LRSAM1: variants seen among roughly 807,000 people sequenced by gnomAD.
LRSAM1 encodes the protein E3 ubiquitin-protein ligase LRSAM1.
In LRSAM1, 96 loss-of-function variants were observed where a neutral mutation model predicts 118.1. The observed-to-expected ratio is 0.81, with a 90% CI of 0.69 to 0.96. LRSAM1 has a LOEUF of 0.96. LRSAM1 is among the 40% of genes least tolerant of loss of function. The pLI is 0.00. For missense variants in LRSAM1, 804 were observed against 915.5 expected (o/e 0.88, Z 1.57); for synonymous variants, 322 against 364.2 (o/e 0.88, Z 1.32).
In LRSAM1 at chr9:127,485,837, T is replaced by C. The variant is rs1297610559; in HGVS notation, c.1259+2T>C. 6.2e-7 allele frequency: 1 copy of C among 1,613,684 alleles called. No individual in the cohort carries two copies. The highest frequency in any genetic ancestry group is 1.1e-5 in the South Asian group (1 of 91,056). On this transcript the variant is annotated splice_donor_variant, in intron 17 of 25. Transcript: ENST00000300417. LOFTEE classifies it high-confidence loss of function. ...CTTGGTCCAGCAGGCCTGTTCCAGG[T>C]AAGGTAAGGAAGAGGAGTCCCAGGT...
chr9:127,492,400 C>T (rs775210983), intron 20 of LRSAM1, among the ~76,000 whole-genome samples: 4 of 152,170 alleles, frequency 2.6e-5, no homozygotes, highest in Non-Finnish European at 5.9e-5. Context: ...CAAGAGCAGG[C>T]GCAGGAGTGA....
chr9:127,454,512 C>T lies in LRSAM1; in HGVS notation c.-16C>T. 1.9e-6 allele frequency: 3 copies of T among 1,614,128 alleles called. No individual in the cohort carries two copies. The highest frequency in any genetic ancestry group is 1.1e-5 in the South Asian group (1 of 91,060). ...GTGCCCCAGGGTCCTAAAGATCGCT[C>T]TGGGAAAAGGGAAGGATGCCGCTCT... On this transcript the variant is annotated 5_prime_UTR_variant, in exon 3 of 26. Transcript: ENST00000300417.
intron 9 of LRSAM1, among the ~76,000 whole-genome samples, chr9:127,463,463 G>T (rs1834824851): frequency 6.6e-6 from 1 of 152,080 alleles, no homozygotes; most frequent in Admixed American, 6.6e-5. Context: ...GTGTTGGCAG[G>T]GTTGGTGACT....
intron 24 of LRSAM1, among the ~76,000 whole-genome samples, chr9:127,499,594 C>CTGA (rs1337765104): frequency 6.6e-6 from 1 of 151,608 alleles, no homozygotes; most frequent in African/African-American, 2.4e-5. Flanking sequence ...GGGGGAAGCA[C>CTGA]TGATAGCCTT....
intron 20 of LRSAM1, among the ~76,000 whole-genome samples, chr9:127,491,713 C>T (rs951024552): frequency 2.6e-5 from 4 of 152,206 alleles, no homozygotes; most frequent in African/African-American, 7.2e-5. Context: ...AGGGCCCAGC[C>T]GCATCTGTGT....
intron 18 of LRSAM1, among the ~76,000 whole-genome samples, 167 bp from the exon 19 acceptor site, chr9:127,489,277 T>A (rs1161052622): frequency 6.6e-6 from 1 of 152,210 alleles, no homozygotes; most frequent in Non-Finnish European, 1.5e-5. Context: ...AGTGAGCCCC[T>A]AGTACCATCT....
At chr9:127,499,537 AAT>A (rs1554762091) in intron 24 of LRSAM1, among the ~76,000 whole-genome samples, 17 of 115,160 alleles carry the variant, frequency 1.5e-4, no homozygotes, top group East Asian at 4.1e-4. Flanking sequence ...TCTAAAAAAA[AAT>A]ATATATATAT....
chr9:127,467,904 C>T, intron 10 of LRSAM1, 74 bp downstream of exon 10: 10 of 1,441,326 alleles, frequency 6.9e-6, no homozygotes, highest in Non-Finnish European at 9.4e-6. Flanking sequence ...CCAGCCCAGG[C>T]TGGGGAACAG....
At chr9:127,490,384 A>G (rs542861069) in intron 19 of LRSAM1, among the ~76,000 whole-genome samples, 1 of 152,008 alleles carries the variant, frequency 6.6e-6, no homozygotes, top group South Asian at 2.1e-4. Flanking sequence ...ATAGGGACTT[A>G]GGGATGAGGG....
In LRSAM1 at chr9:127,465,511, T is replaced by G. The variant is rs1834893457; in HGVS notation, c.529-2229T>G. Among the ~76,000 whole-genome samples the G allele has an allele frequency of 6.6e-6, 1 of 152,240 alleles. No individual in the cohort carries two copies. Among genetic ancestry groups the G allele is most frequent in the African/African-American group, 2.4e-5 (1 of 41,464 alleles). On this transcript the variant is annotated intron_variant, in intron 9 of 25. Coordinates refer to ENST00000300417, the MANE Select transcript of LRSAM1 (RefSeq NM_001005373.4). This position sits in a 1 kb window ranked among gnomAD's most constrained non-coding sequence, Gnocchi z 4.1. ...CTGATGGTGACTAAGAGCACCCATG[T>G]GGGGTTCATTTGCTTCCAGGTATGG...
At position 127,467,734 on chromosome 9, in the gene LRSAM1, C is replaced by T. The variant is rs754162095; in HGVS notation, c.529-6C>T. ...ACAGTAAAGCGGGTTACCCTTGTGTCTGCAGATGCTGAGCCTTGACGCCTC... is the reference window on the plus strand; with the variant it reads ...ACAGTAAAGCGGGTTACCCTTGTGTTTGCAGATGCTGAGCCTTGACGCCTC... On this transcript the variant is annotated splice_polypyrimidine_tract_variant and splice_region_variant and intron_variant, in intron 9 of 25. Coordinates refer to ENST00000300417, the MANE Select transcript of LRSAM1 (RefSeq NM_001005373.4). The T allele has an allele frequency of 3.2e-5, 51 of 1,608,724 alleles. No homozygotes were observed. The Admixed American group carries it at 7.1e-4, about 22-fold the overall frequency.
chr9:127,457,953 A>G (rs904759954), intron 6 of LRSAM1, among the ~76,000 whole-genome samples: 2 of 148,870 alleles, frequency 1.3e-5, no homozygotes, highest in African/African-American at 5.0e-5. Flanking sequence ...TGTGTTCACT[A>G]CAGATGCTTT....
chr9:127,495,254 C>T, intron 21 of LRSAM1, 66 bp from the exon 22 acceptor site: 1 of 1,499,170 alleles, frequency 6.7e-7, no homozygotes, highest in South Asian at 1.1e-5. Context: ...CGCCTGGCAA[C>T]CATCATTGTT....
intron 9 of LRSAM1, among the ~76,000 whole-genome samples, chr9:127,467,127 T>C (rs146091667): frequency 0.048 from 7,283 of 152,238 alleles, 589 homozygotes; most frequent in African/African-American, 0.17. Context: ...CAAAATTCTC[T>C]TGGCCCTGAG....
chr9:127,472,297 GTATA>G (rs10607015), intron 10 of LRSAM1, among the ~76,000 whole-genome samples: 10 of 119,606 alleles, frequency 8.4e-5, no homozygotes, highest in African/African-American at 2.3e-4. Flanking sequence ...CTATGTAGAA[GTATA>G]TATATATATA....
At chr9:127,485,632 C>T in intron 16 of LRSAM1, 104 bp from the exon 17 acceptor site, 3 of 1,033,074 alleles carry the variant, frequency 2.9e-6, no homozygotes, top group Non-Finnish European at 4.6e-6. Flanking sequence ...GGTGAGGCCT[C>T]AAGGCCTGTT....
Position 127,474,396 on chromosome 9 carries a change from G to A in LRSAM1, c.750+465G>A, listed in dbSNP as rs1280581551. Among the ~76,000 whole-genome samples, 3 of 151,798 alleles carry A rather than the reference G, an allele frequency of 2.0e-5. No individual in the cohort carries two copies. The East Asian group carries it at 5.8e-4, about 29-fold the overall frequency. ...GATCCTCCCACCTCAGACTCCCAAA[G>A]TGCTGGGATTATAGGCATGAGCCAC... On this transcript the variant is annotated intron_variant, in intron 11 of 25. Coordinates refer to ENST00000300417, the MANE Select transcript of LRSAM1 (RefSeq NM_001005373.4).
At chr9:127,484,647 C>T (rs1403924408) in intron 16 of LRSAM1, among the ~76,000 whole-genome samples, 1 of 151,848 alleles carries the variant, frequency 6.6e-6, no homozygotes, top group Non-Finnish European at 1.5e-5. Context: ...AGGTGAGCCG[C>T]CATGTCCAGC....
upstream of LRSAM1, chr9:127,451,497 T>C: frequency 8.5e-6 from 6 of 703,588 alleles, no homozygotes; most frequent in Non-Finnish European, 1.4e-5. Flanking sequence ...GAGACGCCCT[T>C]GTCGCCATGT....
Sources: gnomAD v4.1 joint callset for allele counts (sites outside exome capture counted in the v4.1 genomes callset) on GRCh38, gnomAD v4.1.1 for gene constraint, Gnocchi (gnomAD v3.1) non-coding constraint, MANE v1.5 for transcripts, NCBI Gene and HGNC (gene_info 2026-07-23, HGNC 2026-07-21) for gene names.